Variants in DUOX1 observed in about 807,000 individuals in gnomAD.
DUOX1 encodes NADPH thyroid oxidase 1.
Under a neutral mutation model 181.8 loss-of-function variants are expected in DUOX1, and 134 were observed. The observed-to-expected ratio is 0.74, with a 90% CI of 0.64 to 0.85. The LOEUF is 0.85. Among genes scored for constraint, DUOX1 ranks in the 40% least tolerant of loss-of-function variants. The probability of loss-of-function intolerance (pLI) is 0.00; values close to 1 mark genes in which losing one functional copy is unlikely to be tolerated. For missense variants in DUOX1, 1,814 were observed against 2,064.4 expected (o/e 0.88, Z 2.35); for synonymous variants, 798 against 832.5 (o/e 0.96, Z 0.71).
chr15:45,156,163 G>A (rs910559878), intron 28 of DUOX1, among the ~76,000 whole-genome samples: 2 of 152,174 alleles, frequency 1.3e-5, no homozygotes, highest in African/African-American at 4.8e-5. Context: ...TAGCAGCCCT[G>A]CCAGACTGAT....
intron 23 of DUOX1, among the ~76,000 whole-genome samples, chr15:45,151,635 T>G (rs1002283378): frequency 6.6e-6 from 1 of 151,512 alleles, no homozygotes; most frequent in Non-Finnish European, 1.5e-5. Context: ...GTAGATGGAG[T>G]ACATCCCCTG....
At chr15:45,158,482 G>C (rs978964990) in intron 28 of DUOX1, among the ~76,000 whole-genome samples, 1 of 152,036 alleles carries the variant, frequency 6.6e-6, no homozygotes, top group African/African-American at 2.4e-5. Context: ...GCTGAGGCGG[G>C]TGGATTACCT....
chr15:45,143,133 C>A, intron 15 of DUOX1, 57 bp from the exon 16 acceptor site: 1 of 1,354,516 alleles, frequency 7.4e-7, no homozygotes, highest in Non-Finnish European at 1.0e-6. Context: ...GAGAAAGGAG[C>A]TGCTTCCATC....
At chr15:45,140,051 C>A in intron 12 of DUOX1, 2 of 1,372,592 alleles carry the variant, frequency 1.5e-6, no homozygotes, top group South Asian at 2.3e-5. Context: ...ATGCCTTACC[C>A]ATTCCTGGTG....
chr15:45,131,723 T>G, intron 1 of DUOX1, 195 bp from the exon 2 acceptor site: 1 of 556,460 alleles, frequency 1.8e-6, no homozygotes, highest in Non-Finnish European at 3.2e-6. Context: ...TCTATGTCAG[T>G]GGCTGGTATG....
In DUOX1 at chr15:45,135,139, A is replaced by C. The variant is rs1595575233; in HGVS notation, c.343A>C (p.Thr115Pro). The change falls in exon 5 of 34, where the codon ACT becomes CCT. Residue 115 changes from threonine to proline, a missense_variant. By Grantham distance (38) the Thr-to-Pro change is conservative. Coordinates refer to ENST00000389037, the MANE Select transcript of DUOX1 (RefSeq NM_175940.3). The stretch of plus-strand genomic sequence containing the variant: ...GCTTTCAGACCTGGTGAGCGTGGAA[A>C]CTCCCGGCTGCCCCGCCGAGTTCCT... ...HVLSDLVSVE[T>P]PGCPAEFLNI... The C allele has an allele frequency of 6.2e-7, 1 of 1,613,032 alleles. No individual in the cohort carries two copies. The highest frequency in any genetic ancestry group is 8.5e-7 in the Non-Finnish European group (1 of 1,179,718).
chr15:45,146,999 C>A (rs909104219), intron 18 of DUOX1, among the ~76,000 whole-genome samples: 1 of 152,202 alleles, frequency 6.6e-6, no homozygotes, highest in African/African-American at 2.4e-5. Context: ...GACAAAGGGT[C>A]ACTTGACTCT....
Position 45,136,613 on chromosome 15 carries a change from G to A in DUOX1, c.1010G>A (p.Gly337Asp), listed in dbSNP as rs773359172. ...TTCCTGTCCACCATGGTGCCCCCTGGCGTCTACATGAGGTGAGGGAGGGGC... is the reference window on the plus strand; with the variant it reads ...TTCCTGTCCACCATGGTGCCCCCTGACGTCTACATGAGGTGAGGGAGGGGC... ...EQFLSTMVPP[G>D]VYMRNASCHF... Residue 337 changes from glycine (G) to aspartate (D), a missense_variant, in exon 9 of 34, where the codon GGC becomes GAC. By Grantham distance (94) the Gly-to-Asp change is moderately conservative (BLOSUM62 -1). This residue lies in a region of DUOX1 where 1,064 missense variants were observed against 1,152.9 expected (regional missense o/e 0.92). Transcript: ENST00000389037. The A allele has an allele frequency of 1.2e-6, 2 of 1,614,102 alleles. No individual in the cohort carries two copies.
chr15:45,147,927 C>T lies in DUOX1; in HGVS notation c.2572C>T (p.Leu858Phe). Residue 858 changes from leucine (L) to phenylalanine (F), a missense_variant, in exon 20 of 34, where the codon CTT (leucine) becomes TTT (phenylalanine). Around this residue, in one of 5 missense-constraint regions of DUOX1, gnomAD observed 1,064 missense variants for 1,152.9 expected, o/e 0.92. Transcript: ENST00000389037. ...AGGCTCTCCTGAGGAAAAGTCTCGCCTTATGTTCCGCATGTACGACTTTGA... is the reference window on the plus strand; with the variant it reads ...AGGCTCTCCTGAGGAAAAGTCTCGCTTTATGTTCCGCATGTACGACTTTGA... ...MKGSPEEKSRLMFRMYDFDGN... is the reference protein window; with the variant it reads ...MKGSPEEKSRFMFRMYDFDGN... 1 of 1,614,144 alleles carries T rather than the reference C, an allele frequency of 6.2e-7. No individual in the cohort carries two copies. Among genetic ancestry groups the T allele is most frequent in the South Asian group, 1.1e-5 (1 of 91,084 alleles).
chr15:45,149,731 A>G (rs759744329), intron 21 of DUOX1, among the ~76,000 whole-genome samples: 59 of 152,216 alleles, frequency 3.9e-4, no homozygotes, highest in Non-Finnish European at 6.9e-4. Flanking sequence ...ACATGCCTGT[A>G]GTCCCAAGTA....
At chr15:45,164,738 C>G in intron 33 of DUOX1, 41 bp from the exon 34 acceptor site, 1 of 1,613,778 alleles carries the variant, frequency 6.2e-7, no homozygotes, top group South Asian at 1.1e-5. Flanking sequence ...ATCCCTGCCT[C>G]TGAGCAAAGA....
chr15:45,150,796 CA>C, intron 22 of DUOX1, 95 bp downstream of exon 22: 1 of 1,189,860 alleles, frequency 8.4e-7, no homozygotes, highest in Non-Finnish European at 1.2e-6. Context: ...CTAGCCCATG[CA>C]GCACCTTCAA....
Position 45,144,199 on chromosome 15 carries a change from C to A in DUOX1, c.2100C>A (p.Arg700=). Reference sequence around the variant, plus strand: ...TCCTGTCCAGCAACCGTGGACGCCGCACTCTGCTGCTCAAGATCCCCAAGG... The same window carrying A: ...TCCTGTCCAGCAACCGTGGACGCCGAACTCTGCTGCTCAAGATCCCCAAGG... ...NFVLSSNRGR[R]TLLLKIPKEY... Residue 700 remains arginine, a synonymous_variant, in exon 17 of 34, where the codon CGC becomes CGA. Coordinates refer to ENST00000389037, the MANE Select transcript of DUOX1 (RefSeq NM_175940.3). 6.2e-7 allele frequency: 1 copy of A among 1,614,128 alleles called. No individual in the cohort carries two copies.
At chr15:45,142,906 A>T (rs1452817036) in intron 15 of DUOX1, among the ~76,000 whole-genome samples, 3 of 151,862 alleles carry the variant, frequency 2.0e-5, no homozygotes, top group Non-Finnish European at 4.4e-5. Context: ...TGGTGGGGTG[A>T]GTCTAGTCTC....
chr15:45,162,045 C>T, intron 30 of DUOX1, 75 bp downstream of exon 30: 1 of 1,483,454 alleles, frequency 6.7e-7, no homozygotes, highest in Non-Finnish European at 9.2e-7. Flanking sequence ...GCACTAGACT[C>T]CCCGCTCTGT....
At chr15:45,142,593 C>T (rs141219346) in intron 15 of DUOX1, among the ~76,000 whole-genome samples, 2 of 152,034 alleles carry the variant, frequency 1.3e-5, no homozygotes, top group South Asian at 2.1e-4. Flanking sequence ...GGCATGGTGG[C>T]GCATGCCTGT....
chr15:45,155,599 C>G, intron 27 of DUOX1: 2 of 558,802 alleles, frequency 3.6e-6, no homozygotes, highest in Non-Finnish European at 6.0e-6. Context: ...ATCATGGTGA[C>G]AAGGGCTATG....
At position 45,140,978 on chromosome 15, in the gene DUOX1, G is replaced by A. The variant is rs766180270; in HGVS notation, c.1473G>A (p.Arg491=). Residue 491 remains arginine, a synonymous_variant, in exon 13 of 34, where the codon CGG becomes CGA. Transcript: ENST00000389037. The part of the protein sequence containing the change: ...LLPGGLLESH[R]DPGPLFSTIV... ...CTGGGGGACTCCTGGAGAGCCACCGGGACCCTGGACCTCTGTTCAGCACCA... is the reference window on the plus strand; with the variant it reads ...CTGGGGGACTCCTGGAGAGCCACCGAGACCCTGGACCTCTGTTCAGCACCA... 1.2e-6 allele frequency: 2 copies of A among 1,614,110 alleles called. No individual in the cohort carries two copies. The highest frequency in any genetic ancestry group is 4.5e-5 in the East Asian group (2 of 44,880).
intron 1 of DUOX1, chr15:45,131,333 G>A (rs769712096): frequency 1.3e-5 from 2 of 153,098 alleles, no homozygotes; most frequent in Non-Finnish European, 2.9e-5. Flanking sequence ...CCAACCAGAG[G>A]AGACAAGCTC....
Sources: gnomAD v4.1 joint callset for allele counts (sites outside exome capture counted in the v4.1 genomes callset) on GRCh38, gnomAD v4.1.1 for gene constraint, gnomAD v4.1.1 regional missense constraint, MANE v1.5 for transcripts, NCBI Gene and HGNC (gene_info 2026-07-23, HGNC 2026-07-21) for gene names.